GRHL2: variants seen among roughly 807,000 people sequenced by gnomAD.
The protein encoded by GRHL2 is grainyhead like transcription factor 2, also known as grainyhead-like protein 2 homolog.
In GRHL2, 21 loss-of-function variants were observed where a neutral mutation model predicts 83.8. The ratio of observed to expected loss-of-function variants is 0.25; its 90% CI spans 0.18 to 0.36. GRHL2 has a LOEUF of 0.36. Among genes scored for constraint, GRHL2 ranks in the 10% least tolerant of loss-of-function variants. GRHL2 has a pLI of 1.00. For synonymous variants in GRHL2, 280 were observed against 278.9 expected (o/e 1.00, Z -0.04); for missense variants, 623 against 781.8 (o/e 0.80, Z 2.42).
chr8:101,657,546 AACAC>A (rs900289175), intron 14 of GRHL2, among the ~76,000 whole-genome samples: 1 of 152,182 alleles, frequency 6.6e-6, no homozygotes, highest in Admixed American at 6.5e-5. Flanking sequence ...CAACTTGAAA[AACAC>A]AAAGAAAAGG....
At chr8:101,562,770 C>T (rs1811634148) in intron 4 of GRHL2, among the ~76,000 whole-genome samples, 1 of 152,194 alleles carries the variant, frequency 6.6e-6, no homozygotes, top group Non-Finnish European at 1.5e-5. Context: ...TCAGCTTCTT[C>T]ACTGTTTAGG....
At chr8:101,556,975 C>G (rs1206904888) in intron 3 of GRHL2, among the ~76,000 whole-genome samples, 2 of 152,112 alleles carry the variant, frequency 1.3e-5, no homozygotes, top group South Asian at 2.1e-4. Context: ...AATAAACCCC[C>G]CAAATACCCA....
chr8:101,493,690 G>C (rs1281688133), intron 1 of GRHL2, among the ~76,000 whole-genome samples: 1 of 152,106 alleles, frequency 6.6e-6, no homozygotes, highest in Admixed American at 6.5e-5. Context: ...CGTGGGGCGC[G>C]CCGAGCCTTC....
intron 1 of GRHL2, among the ~76,000 whole-genome samples, chr8:101,513,678 A>G (rs1280751526): frequency 6.6e-6 from 1 of 151,598 alleles, no homozygotes; most frequent in Non-Finnish European, 1.5e-5. Context: ...TATTTTTAGT[A>G]AAGACAGGGG....
Position 101,652,349 on chromosome 8 carries a change from G to GT in GRHL2, c.1698+2850_1698+2851insT, listed in dbSNP as rs753862872. Reference sequence around the variant, plus strand: ...GTGTGTGGTGTGTGTGTATGTGTGTGGTGTGTGTGGTGTGTGTGTGTCTGA... The same window carrying GT: ...GTGTGTGGTGTGTGTGTATGTGTGTGTGTGTGTGTGGTGTGTGTGTGTCTGA... On this transcript the variant is annotated intron_variant, in intron 14 of 15. Transcript: ENST00000646743. Among the ~76,000 whole-genome samples, 64 of 62,500 alleles carry GT rather than the reference G, an allele frequency of 1.0e-3. 1 individual carries two copies. Among genetic ancestry groups the GT allele is most frequent in the African/African-American group, 7.6e-3 (59 of 7,796 alleles). The allele number at this position is 62,500 out of a possible 152,430, so 41.0% of individuals were successfully genotyped here.
At chr8:101,532,833 G>C (rs935687850) in intron 1 of GRHL2, among the ~76,000 whole-genome samples, 5 of 151,778 alleles carry the variant, frequency 3.3e-5, no homozygotes, top group Admixed American at 1.3e-4. Flanking sequence ...GTGAGAGAGA[G>C]ATAGAGAGAG....
intron 1 of GRHL2, among the ~76,000 whole-genome samples, chr8:101,524,639 ATCT>A (rs1195474264): frequency 1.3e-5 from 2 of 152,166 alleles, no homozygotes; most frequent in African/African-American, 4.8e-5. Context: ...TTTAAATTTC[ATCT>A]TCTTTGCTGT....
At chr8:101,567,313 A>C (rs929350355) in intron 4 of GRHL2, among the ~76,000 whole-genome samples, 1 of 152,236 alleles carries the variant, frequency 6.6e-6, no homozygotes, top group Admixed American at 6.5e-5. Context: ...AGTAAACTAC[A>C]GTGATGTTGG....
At chr8:101,604,238 C>G (rs1812583345) in intron 8 of GRHL2, among the ~76,000 whole-genome samples, 1 of 152,066 alleles carries the variant, frequency 6.6e-6, no homozygotes, top group Non-Finnish European at 1.5e-5. Flanking sequence ...ATTTGTTGGT[C>G]ACTAATCCCT....
At chr8:101,494,016 T>C (rs766124342) in intron 1 of GRHL2, among the ~76,000 whole-genome samples, 53 of 151,968 alleles carry the variant, frequency 3.5e-4, no homozygotes, top group Non-Finnish European at 6.0e-4. Context: ...CTCGGGCGCG[T>C]CCGGGCCTGG....
chr8:101,573,423 G>T (rs1811866565), intron 5 of GRHL2, among the ~76,000 whole-genome samples: 1 of 152,112 alleles, frequency 6.6e-6, no homozygotes, highest in African/African-American at 2.4e-5. Context: ...CAATTGGCCA[G>T]GCACATCGTG....
chr8:101,585,303 C>G (rs1331374258), intron 7 of GRHL2, among the ~76,000 whole-genome samples: 1 of 152,188 alleles, frequency 6.6e-6, no homozygotes, highest in African/African-American at 2.4e-5. Flanking sequence ...AAAAATAACT[C>G]AAGTAAATAG....
intron 8 of GRHL2, among the ~76,000 whole-genome samples, chr8:101,605,039 C>T (rs7836018): frequency 0.51 from 77,390 of 152,046 alleles, 21,603 homozygotes; most frequent in African/African-American, 0.74. Flanking sequence ...TTCTGCTTTG[C>T]CAGAGCATCA....
intron 12 of GRHL2, among the ~76,000 whole-genome samples, chr8:101,643,518 G>A (rs1274307646): frequency 6.6e-6 from 1 of 152,152 alleles, no homozygotes; most frequent in Non-Finnish European, 1.5e-5. Context: ...CAGGCTTCTG[G>A]GAAAGGGGAC....
intron 1 of GRHL2, among the ~76,000 whole-genome samples, chr8:101,495,299 C>G (rs1810074358): frequency 6.6e-6 from 1 of 152,224 alleles, no homozygotes; most frequent in Non-Finnish European, 1.5e-5. Flanking sequence ...TTTAGGCAAT[C>G]TTTGGGATTG....
In GRHL2 at chr8:101,558,744, C is replaced by G. The variant is rs761192154; in HGVS notation, c.610C>G (p.Leu204Val). 1.2e-6 allele frequency: 2 copies of G among 1,614,200 alleles called. No individual in the cohort carries two copies. Among genetic ancestry groups the G allele is most frequent in the Non-Finnish European group, 1.7e-6 (2 of 1,180,034 alleles). ...VPSLATHSAY[L>V]KDDQRSTPDS... ...CTCGCTGGCCACCCACAGCGCCTAT[C>G]TCAAAGACGACCAGCGCAGCACTCC... Residue 204 changes from leucine to valine, a missense_variant, in exon 4 of 16, where the codon CTC (leucine) becomes GTC (valine). Coordinates refer to ENST00000646743, the MANE Select transcript of GRHL2 (RefSeq NM_024915.4).
downstream of GRHL2, among the ~76,000 whole-genome samples, chr8:101,672,816 A>G (rs1222462510): frequency 6.6e-6 from 1 of 151,874 alleles, no homozygotes; most frequent in Non-Finnish European, 1.5e-5. Flanking sequence ...AGGTCGGGTT[A>G]CCCTCAAAGG....
chr8:101,545,702 C>T (rs141513525), intron 2 of GRHL2, among the ~76,000 whole-genome samples: 1 of 151,868 alleles, frequency 6.6e-6, no homozygotes, highest in African/African-American at 2.4e-5. Flanking sequence ...TTCTTGAGGG[C>T]TTAACTGTTT....
At position 101,648,169 on chromosome 8, in the gene GRHL2, G is replaced by T. The variant is rs924107981; in HGVS notation, c.1613-1245G>T. On this transcript the variant is annotated intron_variant, in intron 13 of 15. Transcript: ENST00000646743. ...CAGTTCCAAGTTTATTCTGGGAGCT[G>T]AGCTGCAACACAACTGCTGTAAGGA... is the stretch of plus-strand genomic sequence containing the variant. Among the ~76,000 whole-genome samples the T allele has an allele frequency of 2.0e-5, 3 of 152,150 alleles. No homozygotes were observed. In the East Asian group the frequency reaches 5.8e-4, roughly 29 times the overall value.
Sources: gnomAD v4.1 joint callset for allele counts (sites outside exome capture counted in the v4.1 genomes callset) on GRCh38, gnomAD v4.1.1 for gene constraint, MANE v1.5 for transcripts, NCBI Gene and HGNC (gene_info 2026-07-23, HGNC 2026-07-21) for gene names.